The following HS3ST4 variants were observed in gnomAD, a reference collection of about 807,000 sequenced individuals.
HS3ST4 encodes heparan sulfate glucosamine 3-O-sulfotransferase 4.
In HS3ST4, 17 loss-of-function variants were observed where a neutral mutation model predicts 29.2. The ratio of observed to expected loss-of-function variants is 0.58; its 90% CI spans 0.40 to 0.87. HS3ST4 has a LOEUF of 0.87. Among genes scored for constraint, HS3ST4 ranks in the 40% least tolerant of loss-of-function variants. The probability of loss-of-function intolerance (pLI) is 0.00; values close to 1 mark genes in which losing one functional copy is unlikely to be tolerated. For synonymous variants in HS3ST4, 314 were observed against 285.7 expected (o/e 1.10, Z -1.00); for missense variants, 627 against 634.5 (o/e 0.99, Z 0.13).
intron 1 of HS3ST4, among the ~76,000 whole-genome samples, chr16:25,878,029 G>C (rs1311136907): frequency 6.6e-6 from 1 of 152,136 alleles, no homozygotes; most frequent in Non-Finnish European, 1.5e-5. Context: ...GTCTTCCATA[G>C]AGCTTATAGG....
intron 1 of HS3ST4, among the ~76,000 whole-genome samples, chr16:25,944,999 T>C (rs1352758479): frequency 2.6e-5 from 4 of 152,276 alleles, no homozygotes; most frequent in Admixed American, 6.5e-5. Flanking sequence ...TACTATATTA[T>C]CCTCTGTGGA....
At chr16:26,107,635 C>T (rs569201761) in intron 1 of HS3ST4, among the ~76,000 whole-genome samples, 2 of 152,300 alleles carry the variant, frequency 1.3e-5, no homozygotes, top group South Asian at 4.1e-4. Flanking sequence ...CAAATGAGAA[C>T]ATATGATATT....
chr16:25,833,207 T>C (rs1967323010), intron 1 of HS3ST4, among the ~76,000 whole-genome samples: 1 of 152,172 alleles, frequency 6.6e-6, no homozygotes, highest in South Asian at 2.1e-4. Context: ...AGAAACCACA[T>C]TGAAGTTGCA....
intron 1 of HS3ST4, among the ~76,000 whole-genome samples, chr16:25,937,807 A>G (rs1968531878): frequency 6.6e-6 from 1 of 152,174 alleles, no homozygotes; most frequent in African/African-American, 2.4e-5. Flanking sequence ...CTTCCCATTG[A>G]CACAGGGAAG....
At chr16:26,038,742 G>T (rs1273330867) in intron 1 of HS3ST4, among the ~76,000 whole-genome samples, 1 of 152,026 alleles carries the variant, frequency 6.6e-6, no homozygotes, top group Non-Finnish European at 1.5e-5. Context: ...GGAGTGCAGT[G>T]GTGCGATCTC....
At chr16:25,957,550 T>A (rs1968749365) in intron 1 of HS3ST4, among the ~76,000 whole-genome samples, 1 of 152,134 alleles carries the variant, frequency 6.6e-6, no homozygotes, top group Admixed American at 6.5e-5. Context: ...CCCGAGTAGC[T>A]GGGATTATAG....
chr16:25,806,567 TATC>T (rs1369622137), intron 1 of HS3ST4, among the ~76,000 whole-genome samples: 1 of 152,334 alleles, frequency 6.6e-6, no homozygotes, highest in African/African-American at 2.4e-5. Flanking sequence ...CTCCAGCTGC[TATC>T]ATATTTTCTA....
intron 1 of HS3ST4, among the ~76,000 whole-genome samples, chr16:25,697,587 C>G (rs992659500): frequency 6.6e-6 from 1 of 152,190 alleles, no homozygotes; most frequent in Non-Finnish European, 1.5e-5. Flanking sequence ...TACTGGGCAG[C>G]ACCTGTGTGG....
At chr16:25,971,573 A>G (rs972247525) in intron 1 of HS3ST4, among the ~76,000 whole-genome samples, 1 of 152,196 alleles carries the variant, frequency 6.6e-6, no homozygotes, top group Admixed American at 6.5e-5. Flanking sequence ...AGAGAAAACT[A>G]TTCATTCATC....
intron 1 of HS3ST4, among the ~76,000 whole-genome samples, chr16:26,091,844 A>G (rs1021457678): frequency 6.6e-6 from 1 of 152,158 alleles, no homozygotes; most frequent in African/African-American, 2.4e-5. Flanking sequence ...CATTTCAAGA[A>G]TTCTCTTTTT....
At chr16:25,905,474 G>C (rs9932222) in intron 1 of HS3ST4, among the ~76,000 whole-genome samples, 4,070 of 152,226 alleles carry the variant, frequency 0.027, 159 homozygotes, top group African/African-American at 0.088. Context: ...AGTGGAGTTG[G>C]ACTAGCAGCA....
intron 1 of HS3ST4, among the ~76,000 whole-genome samples, chr16:26,063,579 C>T (rs1290337678): frequency 6.6e-6 from 1 of 151,592 alleles, no homozygotes; most frequent in Non-Finnish European, 1.5e-5. Context: ...CACCTATAGT[C>T]CTAGCTACTT....
intron 1 of HS3ST4, among the ~76,000 whole-genome samples, chr16:25,916,879 C>G (rs760945759): frequency 1.3e-5 from 2 of 151,782 alleles, no homozygotes; most frequent in African/African-American, 2.4e-5. Flanking sequence ...CGGGGTTTCA[C>G]CGTGTTAGCC....
At chr16:26,084,841 C>T (rs1356093880) in intron 1 of HS3ST4, among the ~76,000 whole-genome samples, 1 of 152,028 alleles carries the variant, frequency 6.6e-6, no homozygotes, top group African/African-American at 2.4e-5. Context: ...AAATTCTGAC[C>T]TCAAGTGTTC....
chr16:25,939,330 C>CATT (rs1016503310), intron 1 of HS3ST4, among the ~76,000 whole-genome samples: 719 of 33,678 alleles, frequency 0.021, 3 homozygotes, highest in Non-Finnish European at 0.026. Flanking sequence ...TTATTATTAT[C>CATT]ATTATTATTA....
chr16:25,890,345 T>C (rs1321205257), intron 1 of HS3ST4, among the ~76,000 whole-genome samples: 1 of 152,230 alleles, frequency 6.6e-6, no homozygotes, highest in East Asian at 1.9e-4. Context: ...GGATTTGTTA[T>C]CATCTCCTAG....
chr16:25,820,059 A>T lies in HS3ST4; in HGVS notation c.734+126908A>T, dbSNP rs536319088. 3.2e-3 allele frequency among the ~76,000 whole-genome samples: 485 copies of T among 150,336 alleles called. 2 individuals carry two copies. Among genetic ancestry groups the T allele is most frequent in the Middle Eastern group, 0.017 (5 of 286 alleles). ...AAAAAAAAAAAAAAAAGAAAAAGAAAAAAAGAGGAAAGGATTTAAAGTATT... is the reference window on the plus strand; with the variant it reads ...AAAAAAAAAAAAAAAAGAAAAAGAATAAAAGAGGAAAGGATTTAAAGTATT... On this transcript the variant is annotated intron_variant, in intron 1 of 1. Coordinates refer to ENST00000331351, the MANE Select transcript of HS3ST4 (RefSeq NM_006040.3).
At chr16:26,103,986 G>A (rs533182598) in intron 1 of HS3ST4, among the ~76,000 whole-genome samples, 82 of 152,224 alleles carry the variant, frequency 5.4e-4, no homozygotes, top group Non-Finnish European at 1.0e-3. Flanking sequence ...GCTCTTAAAC[G>A]TATTGCCTAG....
intron 1 of HS3ST4, among the ~76,000 whole-genome samples, chr16:26,001,588 C>T (rs1969212028): frequency 6.6e-6 from 1 of 151,998 alleles, no homozygotes. Flanking sequence ...GTTTTTAAGT[C>T]TGTTTTGAAA....
Sources: allele counts gnomAD v4.1 joint callset (sites outside exome capture counted in the v4.1 genomes callset), GRCh38; gene constraint gnomAD v4.1.1; transcripts MANE v1.5; gene names NCBI Gene and HGNC (gene_info 2026-07-23, HGNC 2026-07-21).